SAMHD1: variants seen among roughly 807,000 people sequenced by gnomAD.
SAMHD1 encodes deoxynucleoside triphosphate triphosphohydrolase SAMHD1.
SAMHD1 carries 54 observed loss-of-function variants against 79.6 expected under a neutral mutation model. The ratio of observed to expected loss-of-function variants is 0.68; its 90% CI spans 0.55 to 0.85. The LOEUF (loss-of-function observed/expected upper bound fraction) is 0.85. SAMHD1 is among the 40% of genes least tolerant of loss of function. The probability of loss-of-function intolerance (pLI) is 0.00; values close to 1 mark genes in which losing one functional copy is unlikely to be tolerated. For missense variants in SAMHD1, 663 were observed against 782.7 expected (o/e 0.85, Z 1.82); for synonymous variants, 260 against 264.1 (o/e 0.98, Z 0.15).
intron 13 of SAMHD1, among the ~76,000 whole-genome samples, chr20:36,899,421 C>A (rs1990260814): frequency 6.6e-6 from 1 of 152,080 alleles, no homozygotes; most frequent in South Asian, 2.1e-4. Flanking sequence ...GAGCAAGACT[C>A]TGCCTCCAAA....
At chr20:36,926,977 A>T (rs550367466) in intron 6 of SAMHD1, 1 of 534,294 alleles carries the variant, frequency 1.9e-6, no homozygotes, top group East Asian at 3.2e-5. Flanking sequence ...TTTATTTGTA[A>T]AAAGGGAGAT....
At chr20:36,899,290 T>C (rs980279321) in intron 13 of SAMHD1, among the ~76,000 whole-genome samples, 1 of 147,438 alleles carries the variant, frequency 6.8e-6, no homozygotes, top group African/African-American at 2.5e-5. Context: ...TAGCCAGACG[T>C]GGTGTTGTGC....
rs768848252 is a variant in SAMHD1, at chr20:36,927,257, A to C, written c.626-5T>G. ...TGTGAGAAAATGGCCCATGACCTTA[A>C]AAACAAAAGCAGCCTTAGAACAAGA... On this transcript the variant is annotated splice_polypyrimidine_tract_variant and splice_region_variant and intron_variant, in intron 5 of 15. Coordinates refer to ENST00000646673, the MANE Select transcript of SAMHD1 (RefSeq NM_015474.4). 6.2e-7 allele frequency: 1 copy of C among 1,613,482 alleles called. No homozygotes were observed. Among genetic ancestry groups the C allele is most frequent in the Non-Finnish European group, 8.5e-7 (1 of 1,179,454 alleles).
rs939356539 is a variant in SAMHD1 at position 36,911,520 on chromosome 20, C to T, written c.1155-187G>A. 8.5e-6 allele frequency: 5 copies of T among 589,296 alleles called. No individual in the cohort carries two copies. In the African/African-American group the frequency reaches 9.3e-5, roughly 11 times the overall value. The allele number at this position is 589,296 out of a possible 1,614,324, so 36.5% of individuals were successfully genotyped here. A position where few individuals can be genotyped will look rare whatever the true frequency, so the allele number is the denominator to read the frequency against. ...TGTGAGCTGCCATGCTTACTGTGTT[C>T]CAGGCACTGTCGCAGGGCTTTGCAT... On this transcript the variant is annotated intron_variant, in intron 10 of 15. Transcript: ENST00000646673.
rs1046892875 is a variant in SAMHD1, at chr20:36,891,160, T to C, written c.*1772A>G. On this transcript the variant is annotated 3_prime_UTR_variant, in exon 16 of 16. Transcript: ENST00000646673. ...CCTTGATACAGCACCATGGTAGGCA[T>C]GAGAGGAGAAGTGTTTTAACTATTC... is the stretch of plus-strand genomic sequence containing the variant. The C allele has an allele frequency of 6.6e-6, 1 of 152,236 alleles. No individual in the cohort carries two copies. Among genetic ancestry groups the C allele is most frequent in the Non-Finnish European group, 1.5e-5 (1 of 68,048 alleles). The allele number at this position is 152,236 out of a possible 1,614,324, so 9.4% of individuals were successfully genotyped here.
intron 15 of SAMHD1, among the ~76,000 whole-genome samples, chr20:36,895,638 A>T (rs1397551289): frequency 1.3e-5 from 2 of 152,084 alleles, no homozygotes; most frequent in Non-Finnish European, 2.9e-5. Context: ...TGAATGTACC[A>T]AATTTATAGT....
At chr20:36,928,839 C>A (rs533542523) in intron 5 of SAMHD1, among the ~76,000 whole-genome samples, 23 of 151,666 alleles carry the variant, frequency 1.5e-4, no homozygotes, top group African/African-American at 5.6e-4. Context: ...GGTGGATCAC[C>A]TGAGGTCAGG....
intron 9 of SAMHD1, among the ~76,000 whole-genome samples, chr20:36,912,903 T>G (rs1374355270): frequency 1.4e-5 from 2 of 139,068 alleles, no homozygotes; most frequent in African/African-American, 2.7e-5. Context: ...TTTTTTTTTT[T>G]TTTTTTTTTT....
chr20:36,919,504 C>G lies in SAMHD1; in HGVS notation c.712G>C (p.Val238Leu). The G allele has an allele frequency of 6.2e-7, 1 of 1,613,520 alleles. No individual in the cohort carries two copies. The highest frequency in any genetic ancestry group is 8.5e-7 in the Non-Finnish European group (1 of 1,179,856). ...TTAATAAGGTGCTCAAACATCATAACTGAGCCTTGTTCATGCTAGGAAAAG... is the reference window on the plus strand; with the variant it reads ...TTAATAAGGTGCTCAAACATCATAAGTGAGCCTTGTTCATGCTAGGAAAAG... ...EVKWTHEQGSVMMFEHLINSN... is the reference protein window; with the variant it reads ...EVKWTHEQGSLMMFEHLINSN... The change falls in exon 7 of 16, where the codon GTT becomes CTT. Residue 238 changes from valine (V) to leucine (L), a missense_variant. Transcript: ENST00000646673.
In SAMHD1 at chr20:36,942,847, A is replaced by G. The variant is rs192160312; in HGVS notation, c.276-1736T>C. ...TTGTTTTTGTATTTTTAGTAGAGAC[A>G]GGGTTTCACCATGTTAGCCAGGATG... is the stretch of plus-strand genomic sequence containing the variant. On this transcript the variant is annotated intron_variant, in intron 2 of 15. Coordinates refer to ENST00000646673, the MANE Select transcript of SAMHD1 (RefSeq NM_015474.4). Among the ~76,000 whole-genome samples the G allele has an allele frequency of 3.6e-4, 54 of 152,080 alleles. 1 individual carries two copies. The East Asian group carries it at 5.4e-3, about 15-fold the overall frequency.
chr20:36,926,948 T>C (rs902752911), intron 6 of SAMHD1: 4 of 484,452 alleles, frequency 8.3e-6, no homozygotes, highest in African/African-American at 7.8e-5. Context: ...TCAATACACA[T>C]CCAAGAGTTT....
intron 8 of SAMHD1, 52 bp downstream of exon 8, chr20:36,916,897 C>G (rs934902937): frequency 3.8e-6 from 6 of 1,568,982 alleles, no homozygotes; most frequent in African/African-American, 1.4e-5. Flanking sequence ...AATAGTAATA[C>G]TAAATTTATA....
intron 6 of SAMHD1, among the ~76,000 whole-genome samples, chr20:36,921,917 G>A (rs1210285822): frequency 6.6e-6 from 1 of 152,116 alleles, no homozygotes; most frequent in African/African-American, 2.4e-5. Context: ...TCCAACTTCT[G>A]ACCTCAGGTA....
At chr20:36,948,161 T>C (rs1394851393) in intron 1 of SAMHD1, among the ~76,000 whole-genome samples, 1 of 152,166 alleles carries the variant, frequency 6.6e-6, no homozygotes, top group East Asian at 1.9e-4. Flanking sequence ...TTCAGACTTC[T>C]TGTGAGGCTG....
intron 5 of SAMHD1, among the ~76,000 whole-genome samples, chr20:36,928,111 G>T (rs557470947): frequency 1.3e-5 from 2 of 152,364 alleles, no homozygotes; most frequent in South Asian, 4.1e-4. Flanking sequence ...CTAGGGCCAG[G>T]TGTGGTGGCT....
At chr20:36,917,686 T>C (rs1456633624) in intron 7 of SAMHD1, among the ~76,000 whole-genome samples, 1 of 152,056 alleles carries the variant, frequency 6.6e-6, no homozygotes, top group African/African-American at 2.4e-5. Flanking sequence ...AATCTAATAA[T>C]AAACTAACAA....
chr20:36,893,239 G>A, intron 15 of SAMHD1, 173 bp from the exon 16 acceptor site: 1 of 732,956 alleles, frequency 1.4e-6, no homozygotes, highest in Non-Finnish European at 2.3e-6. Context: ...GGGCAAATTA[G>A]AAACACTACA....
At chr20:36,926,150 T>C (rs1355859094) in intron 6 of SAMHD1, among the ~76,000 whole-genome samples, 1 of 152,088 alleles carries the variant, frequency 6.6e-6, no homozygotes, top group Non-Finnish European at 1.5e-5. Context: ...CAACCTTATT[T>C]ATAACAACCA....
chr20:36,936,543 G>T (rs994007301), intron 3 of SAMHD1, among the ~76,000 whole-genome samples: 3 of 151,772 alleles, frequency 2.0e-5, no homozygotes, highest in Admixed American at 2.0e-4. Context: ...GGCTGACCTC[G>T]TGTCCGCCCG....
Sources: allele counts gnomAD v4.1 joint callset (sites outside exome capture counted in the v4.1 genomes callset), GRCh38; gene constraint gnomAD v4.1.1; transcripts MANE v1.5; gene names NCBI Gene and HGNC (gene_info 2026-07-23, HGNC 2026-07-21).